The following NEBL variants were observed in gnomAD, a reference collection of about 807,000 sequenced individuals.
The protein encoded by NEBL is nebulette, also known as LIM and SH3 protein 2.
Under a neutral mutation model 140.2 loss-of-function variants are expected in NEBL, and 122 were observed. The observed-to-expected ratio is 0.87, with a 90% CI of 0.75 to 1.01. NEBL has a LOEUF of 1.01. Ranked by LOEUF, NEBL falls within the 50% of genes least tolerant of loss-of-function variation. The probability of loss-of-function intolerance (pLI) is 0.00; values close to 1 mark genes in which losing one functional copy is unlikely to be tolerated. For missense variants in NEBL, 1,365 were observed against 1,231.3 expected, an observed-to-expected ratio of 1.11 and a Z score of -1.62; for synonymous variants, 436 against 398.9, an observed-to-expected ratio of 1.09 and a Z score of -1.11.
chr10:21,073,968 A>G (rs1835942895), intron 2 of NEBL, among the ~76,000 whole-genome samples: 1 of 152,004 alleles, frequency 6.6e-6, no homozygotes, highest in African/African-American at 2.4e-5. Flanking sequence ...CCAGCTACTC[A>G]GGAGGCTGAG....
intron 2 of NEBL, among the ~76,000 whole-genome samples, chr10:20,891,943 T>C (rs1305668368): frequency 1.3e-5 from 2 of 152,160 alleles, no homozygotes; most frequent in African/African-American, 4.8e-5. Flanking sequence ...TACACCAAGA[T>C]AACAGGAAAT....
intron 2 of NEBL, among the ~76,000 whole-genome samples, chr10:21,156,599 CTT>C (rs926417250): frequency 3.5e-5 from 5 of 143,706 alleles, no homozygotes; most frequent in Admixed American, 1.4e-4. Flanking sequence ...TGCCTTCGTG[CTT>C]TTTTTTTTTA....
At position 20,925,466 on chromosome 10, in the gene NEBL, T is replaced by C. The variant is rs7073874; in HGVS notation, c.357+36206A>G. Reference sequence around the variant, plus strand: ...CCCTGAACCCTTCACCTTCTCTCTCTTGACTGGTTCTACTCTGTCCTTTTT... The same window carrying C: ...CCCTGAACCCTTCACCTTCTCTCTCCTGACTGGTTCTACTCTGTCCTTTTT... On this transcript the variant is annotated intron_variant, in intron 4 of 6. Transcript: ENST00000417816. Among the ~76,000 whole-genome samples the C allele has an allele frequency of 9.7e-3, 1,479 of 152,302 alleles. 18 individuals are homozygous for C. Among genetic ancestry groups the C allele is most frequent in the African/African-American group, 0.034 (1,396 of 41,562 alleles).
intron 2 of NEBL, among the ~76,000 whole-genome samples, chr10:21,034,630 T>G (rs1833942359): frequency 2.0e-5 from 3 of 152,224 alleles, no homozygotes; most frequent in Admixed American, 6.5e-5. Flanking sequence ...GCCTCCACTA[T>G]GGAGTTAAAG....
At chr10:21,254,627 A>C (rs1842631397) in intron 1 of NEBL, among the ~76,000 whole-genome samples, 1 of 152,220 alleles carries the variant, frequency 6.6e-6, no homozygotes, top group Non-Finnish European at 1.5e-5. Context: ...TGGAATTTTT[A>C]ATTCACAGAA....
At chr10:21,154,939 G>A (rs1211067326) in intron 2 of NEBL, among the ~76,000 whole-genome samples, 2 of 152,168 alleles carry the variant, frequency 1.3e-5, no homozygotes, top group Non-Finnish European at 2.9e-5. Context: ...AGTGGCTCAC[G>A]CCTGTAATCC....
rs75520927 is a variant in NEBL, at chr10:21,192,857, T to C, written n.349-20380A>G. On this transcript the variant is annotated intron_variant and non_coding_transcript_variant, in intron 3 of 8. Coordinates refer to the NEBL transcript ENST00000675702. ...CAAAAAAAAAAAAAAGAGGACACAA[T>C]TTCTGACTTCAAGATGCTCACAGTC... Among the ~76,000 whole-genome samples the C allele has an allele frequency of 2.3e-3, 349 of 148,864 alleles. 15 individuals carry two copies. In the East Asian group the frequency reaches 0.06, roughly 25 times the overall value.
At chr10:20,994,142 A>G (rs933746853) in intron 3 of NEBL, among the ~76,000 whole-genome samples, 1 of 152,258 alleles carries the variant, frequency 6.6e-6, no homozygotes, top group Non-Finnish European at 1.5e-5. Context: ...CTTTCAGTTC[A>G]GCCAGCTAAA....
chr10:20,848,880 C>T (rs959440880), intron 11 of NEBL, among the ~76,000 whole-genome samples: 4 of 152,168 alleles, frequency 2.6e-5, no homozygotes, highest in Admixed American at 1.3e-4. Flanking sequence ...TTTGTCTATT[C>T]AGTAAACCAT....
intron 3 of NEBL, among the ~76,000 whole-genome samples, chr10:20,975,664 C>T (rs1836763838): frequency 1.3e-5 from 2 of 152,136 alleles, no homozygotes; most frequent in Admixed American, 1.3e-4. Context: ...ACAGTCATTA[C>T]ATAACTTTAC....
In NEBL at chr10:20,838,594, CTA is replaced by C. The variant is rs1193162734; in HGVS notation, c.1338+2143_1338+2144del. 3.3e-5 allele frequency among the ~76,000 whole-genome samples: 5 copies of C among 152,288 alleles called. No individual in the cohort carries two copies. The East Asian group carries it at 9.6e-4, about 29-fold the overall frequency. The stretch of plus-strand genomic sequence containing the variant: ...AGCAATGGGTTTGAGAGGTTGGTCT[CTA>C]ATCTTGAAAGTTCTACTGTGGGTAA... On this transcript the variant is annotated intron_variant, in intron 13 of 27. Coordinates refer to ENST00000377122, the MANE Select transcript of NEBL (RefSeq NM_006393.3).
At chr10:20,956,862 G>A (rs1835831382) in intron 4 of NEBL, among the ~76,000 whole-genome samples, 1 of 151,966 alleles carries the variant, frequency 6.6e-6, no homozygotes, top group Non-Finnish European at 1.5e-5. Context: ...CCTCATACAC[G>A]ATAATTTTGC....
intron 4 of NEBL, among the ~76,000 whole-genome samples, chr10:20,943,104 AT>A (rs1312427651): frequency 6.6e-6 from 1 of 152,240 alleles, no homozygotes; most frequent in Non-Finnish European, 1.5e-5. Flanking sequence ...TACCCAAAGG[AT>A]TATAAATCAT....
rs1491395708 is a variant in NEBL at position 21,236,365 on chromosome 10, T to TG, written n.348+11555dup. ...TTTTAATTTTTTTTTTTTTTTTTTT[T>TG]GAGACAGAGTGTTGTTCTGTTGCCC... On this transcript the variant is annotated intron_variant and non_coding_transcript_variant, in intron 3 of 8. Coordinates refer to the NEBL transcript ENST00000675702. Among the ~76,000 whole-genome samples the TG allele has an allele frequency of 3.1e-4, 40 of 129,434 alleles. No homozygotes were observed. The East Asian group carries it at 5.4e-3, about 18-fold the overall frequency. The allele number at this position is 129,434 out of a possible 152,430, so 84.9% of individuals were successfully genotyped here. A position where few individuals can be genotyped will look rare whatever the true frequency, so the allele number is the denominator to read the frequency against.
At chr10:20,803,838 T>C (rs1377522398) in intron 26 of NEBL, among the ~76,000 whole-genome samples, 1 of 148,454 alleles carries the variant, frequency 6.7e-6, no homozygotes, top group Non-Finnish European at 1.5e-5. Context: ...TATATATATA[T>C]GCACACATAC....
chr10:20,810,811 G>A (rs1838066534), intron 24 of NEBL, among the ~76,000 whole-genome samples: 1 of 152,190 alleles, frequency 6.6e-6, no homozygotes, highest in Non-Finnish European at 1.5e-5. Context: ...CTGGAAATTT[G>A]CTTGTCTGTT....
intron 1 of NEBL, among the ~76,000 whole-genome samples, chr10:21,289,453 T>C (rs750150745): frequency 4.4e-4 from 67 of 152,228 alleles, no homozygotes; most frequent in Non-Finnish European, 6.6e-4. Flanking sequence ...TTCTAAAATA[T>C]GCTTTGGAAT....
chr10:20,834,422 A>G (rs1459921474), intron 14 of NEBL, among the ~76,000 whole-genome samples: 1 of 152,218 alleles, frequency 6.6e-6, no homozygotes, highest in Non-Finnish European at 1.5e-5. Context: ...TGGAACACTT[A>G]TTGATCAGGA....
chr10:21,052,285 G>C (rs1834811925), intron 2 of NEBL, among the ~76,000 whole-genome samples: 1 of 152,192 alleles, frequency 6.6e-6, no homozygotes, highest in Non-Finnish European at 1.5e-5. Context: ...GGAAGAGAGA[G>C]CAAACGACCT....
Sources: gnomAD v4.1 joint callset for allele counts (sites outside exome capture counted in the v4.1 genomes callset) on GRCh38, gnomAD v4.1.1 for gene constraint, MANE v1.5 for transcripts, NCBI Gene and HGNC (gene_info 2026-07-23, HGNC 2026-07-21) for gene names.